The following ITPR2 variants were observed in gnomAD, a reference collection of about 807,000 sequenced individuals.
ITPR2 encodes inositol 1,4,5-trisphosphate receptor type 2.
In ITPR2, 207 loss-of-function variants were observed where a neutral mutation model predicts 317.1. That is an observed-to-expected ratio of 0.65 (90% CI 0.58 to 0.73). The LOEUF (loss-of-function observed/expected upper bound fraction) is 0.73. Among genes scored for constraint, ITPR2 ranks in the 30% least tolerant of loss-of-function variants. The pLI is 0.00. For missense variants in ITPR2, 2,613 were observed against 3,284.0 expected (o/e 0.80, Z 4.99); for synonymous variants, 1,156 against 1,149.1 (o/e 1.01, Z -0.12).
chr12:26,744,865 T>C (rs1949291924), intron 2 of ITPR2, among the ~76,000 whole-genome samples: 1 of 152,188 alleles, frequency 6.6e-6, no homozygotes, highest in Non-Finnish European at 1.5e-5. Context: ...TACATAGCCT[T>C]ATAAAGAAAG....
chr12:26,450,623 C>T (rs1423070844), intron 45 of ITPR2, among the ~76,000 whole-genome samples: 3 of 152,154 alleles, frequency 2.0e-5, no homozygotes, highest in Non-Finnish European at 4.4e-5. Flanking sequence ...ATATTTGGTA[C>T]TTAGACCACT....
chr12:26,499,239 C>A (rs966457299), intron 37 of ITPR2, among the ~76,000 whole-genome samples: 4 of 152,182 alleles, frequency 2.6e-5, no homozygotes, highest in Non-Finnish European at 4.4e-5. Context: ...CAGATATAAT[C>A]ACAGTGCCTA....
chr12:26,621,293 G>T lies in ITPR2; in HGVS notation c.3292C>A (p.Gln1098Lys). 6.2e-7 allele frequency: 1 copy of T among 1,604,946 alleles called. No individual in the cohort carries two copies. Among genetic ancestry groups the T allele is most frequent in the Non-Finnish European group, 8.5e-7 (1 of 1,175,256 alleles). The change falls in exon 26 of 57, where the codon CAA becomes AAA. Residue 1098 changes from glutamine to lysine, a missense_variant. By Grantham distance (53) the Gln-to-Lys change is moderately conservative (BLOSUM62 1). Transcript: ENST00000381340. ...ACGTCTTGATTAGACACCAGTAATT[G>T]CACCTAAAACAGAAGAATTTCAATC... ...AEVLQAFKQV[Q>K]LLVSNQDVDN... is the part of the protein sequence containing the mutation.
chr12:26,634,106 C>T (rs1389142967), intron 21 of ITPR2, among the ~76,000 whole-genome samples: 2 of 152,162 alleles, frequency 1.3e-5, no homozygotes, highest in Admixed American at 6.5e-5. Flanking sequence ...GCCTGTGGCA[C>T]GTGGTCGCCA....
intron 2 of ITPR2, among the ~76,000 whole-genome samples, chr12:26,788,177 C>T (rs1158735650): frequency 6.6e-6 from 1 of 152,168 alleles, no homozygotes; most frequent in African/African-American, 2.4e-5. Context: ...CCGCCTTGGC[C>T]TCCCAAAGTG....
intron 37 of ITPR2, among the ~76,000 whole-genome samples, chr12:26,512,633 C>T (rs1244796161): frequency 1.3e-5 from 2 of 152,170 alleles, no homozygotes; most frequent in Non-Finnish European, 2.9e-5. Context: ...TGATTGATGT[C>T]TCATGTCTCC....
chr12:26,477,704 C>T (rs748842439), intron 43 of ITPR2, among the ~76,000 whole-genome samples: 1 of 152,056 alleles, frequency 6.6e-6, no homozygotes, highest in Non-Finnish European at 1.5e-5. Context: ...ATTATCTCAA[C>T]CATTTCTACA....
In ITPR2 at chr12:26,550,236, TA is replaced by T. The variant is rs745873485; in HGVS notation, c.5073+10del. The stretch of plus-strand genomic sequence containing the variant: ...TTTATTTTTAAATAATAAAGTTTTT[TA>T]AAAAAATACCTCTTCCACAAAGCTG... On this transcript the variant is annotated intron_variant, in intron 37 of 56. Coordinates refer to ENST00000381340, the MANE Select transcript of ITPR2 (RefSeq NM_002223.4). The T allele has an allele frequency of 7.4e-6, 9 of 1,213,204 alleles. No individual in the cohort carries two copies. Among genetic ancestry groups the T allele is most frequent in the African/African-American group, 6.2e-5 (4 of 64,960 alleles). The allele number at this position is 1,213,204 out of a possible 1,614,324, so 75.2% of individuals were successfully genotyped here.
At chr12:26,654,570 T>C (rs1947332672) in intron 20 of ITPR2, among the ~76,000 whole-genome samples, 1 of 152,198 alleles carries the variant, frequency 6.6e-6, no homozygotes, top group Non-Finnish European at 1.5e-5. Flanking sequence ...ACCTCCAAGA[T>C]GTGGCCCCAG....
intron 37 of ITPR2, among the ~76,000 whole-genome samples, chr12:26,536,019 A>G (rs1944080074): frequency 6.6e-6 from 1 of 152,204 alleles, no homozygotes; most frequent in Non-Finnish European, 1.5e-5. Flanking sequence ...TTTCGTCCAT[A>G]TGTTTTCTCA....
intron 9 of ITPR2, among the ~76,000 whole-genome samples, chr12:26,702,807 C>A (rs995349803): frequency 2.6e-5 from 4 of 152,152 alleles, no homozygotes; most frequent in Non-Finnish European, 4.4e-5. Flanking sequence ...CCATTTCTAA[C>A]CCTTGGTTAG....
At chr12:26,549,847 A>G (rs1944481798) in intron 37 of ITPR2, among the ~76,000 whole-genome samples, 1 of 151,948 alleles carries the variant, frequency 6.6e-6, no homozygotes, top group Admixed American at 6.6e-5. Context: ...ATGAATATAT[A>G]TTTATAATAA....
At chr12:26,619,034 C>G (rs187169655) in intron 26 of ITPR2, among the ~76,000 whole-genome samples, 5 of 152,302 alleles carry the variant, frequency 3.3e-5, no homozygotes, top group African/African-American at 1.2e-4. Context: ...ACTGGCAATA[C>G]TCTATTTCTT....
chr12:26,434,141 C>T (rs1941291224), intron 48 of ITPR2, among the ~76,000 whole-genome samples: 1 of 152,020 alleles, frequency 6.6e-6, no homozygotes, highest in Non-Finnish European at 1.5e-5. Context: ...TATTTCAAGT[C>T]CTTTTTTAAC....
chr12:26,497,752 C>T (rs1942975104), intron 37 of ITPR2, among the ~76,000 whole-genome samples: 1 of 149,546 alleles, frequency 6.7e-6, no homozygotes, highest in Non-Finnish European at 1.5e-5. Context: ...ACTCTGTTGC[C>T]CAGGCTGGAG....
At chr12:26,794,233 A>G (rs1017113164) in intron 1 of ITPR2, among the ~76,000 whole-genome samples, 1 of 152,204 alleles carries the variant, frequency 6.6e-6, no homozygotes. Flanking sequence ...TTTTAACTGG[A>G]CATAACAAGA....
chr12:26,359,331 G>A (rs1938747567), intron 55 of ITPR2, among the ~76,000 whole-genome samples: 1 of 152,144 alleles, frequency 6.6e-6, no homozygotes, highest in African/African-American at 2.4e-5. Context: ...ATGCTAACTA[G>A]GATGAAACCA....
intron 48 of ITPR2, among the ~76,000 whole-genome samples, chr12:26,428,441 C>A (rs905372579): frequency 6.6e-6 from 1 of 152,030 alleles, no homozygotes; most frequent in African/African-American, 2.4e-5. Flanking sequence ...TGATTAATGA[C>A]CATTAGATAT....
At chr12:26,569,601 T>G (rs1338877881) in intron 34 of ITPR2, among the ~76,000 whole-genome samples, 5 of 151,046 alleles carry the variant, frequency 3.3e-5, no homozygotes, top group African/African-American at 9.7e-5. Flanking sequence ...AAATTGTTAC[T>G]TATAGGCAAA....
Sources: gnomAD v4.1 joint callset for allele counts (sites outside exome capture counted in the v4.1 genomes callset) on GRCh38, gnomAD v4.1.1 for gene constraint, MANE v1.5 for transcripts, NCBI Gene and HGNC (gene_info 2026-07-23, HGNC 2026-07-21) for gene names.